The following DAB2IP variants were observed in gnomAD, a reference collection of about 807,000 sequenced individuals.
DAB2IP encodes disabled homolog 2-interacting protein.
In DAB2IP, 28 loss-of-function variants were observed where a neutral mutation model predicts 107.2. That is an observed-to-expected ratio of 0.26 (90% CI 0.19 to 0.36). DAB2IP has a LOEUF of 0.36. Among genes scored for constraint, DAB2IP ranks in the 10% least tolerant of loss-of-function variants. The pLI is 1.00. For missense variants in DAB2IP, 1,400 were observed against 1,644.7 expected (o/e 0.85, Z 2.57); for synonymous variants, 755 against 706.4 (o/e 1.07, Z -1.09).
At chr9:121,737,463 C>G in intron 3 of DAB2IP, 1 of 985,482 alleles carries the variant, frequency 1.0e-6, no homozygotes, top group Non-Finnish European at 1.2e-6. Flanking sequence ...AGGCTCACCT[C>G]TTAGATGCCG....
intron 14 of DAB2IP, among the ~76,000 whole-genome samples, chr9:121,777,539 G>C (rs1247071067): frequency 1.3e-5 from 2 of 152,204 alleles, no homozygotes; most frequent in East Asian, 3.8e-4. Flanking sequence ...ATATTTGCAT[G>C]TTCTGAATTC....
At chr9:121,694,239 A>G (rs1829304569) in intron 2 of DAB2IP, among the ~76,000 whole-genome samples, 1 of 152,142 alleles carries the variant, frequency 6.6e-6, no homozygotes, top group Non-Finnish European at 1.5e-5. Context: ...CCCAGGGGCC[A>G]GAACTCTCTT....
At chr9:121,773,213 A>C in exon 12 of DAB2IP, 1 of 1,569,392 alleles carries the variant, frequency 6.4e-7, no homozygotes. Context: ...GACAGATGTC[A>C]CTGACTGAAA....
chr9:121,613,368 A>AT (rs1224021399), intron 1 of DAB2IP, among the ~76,000 whole-genome samples: 1 of 152,152 alleles, frequency 6.6e-6, no homozygotes, highest in Non-Finnish European at 1.5e-5. Flanking sequence ...TAGTGCAGGG[A>AT]TTTTTAAAGT....
chr9:121,603,545 T>G (rs1452930090), intron 1 of DAB2IP, among the ~76,000 whole-genome samples: 1 of 152,166 alleles, frequency 6.6e-6, no homozygotes, highest in Non-Finnish European at 1.5e-5. Context: ...AGGACCTAAA[T>G]CCAGGTGCCT....
At chr9:121,672,980 C>T (rs1436775687) in intron 1 of DAB2IP, among the ~76,000 whole-genome samples, 2 of 152,338 alleles carry the variant, frequency 1.3e-5, no homozygotes, top group East Asian at 1.9e-4. Context: ...CCTAGGACCC[C>T]GAGGCTGAAT....
At chr9:121,687,305 C>T (rs970421964) in intron 2 of DAB2IP, among the ~76,000 whole-genome samples, 1 of 152,160 alleles carries the variant, frequency 6.6e-6, no homozygotes, top group Non-Finnish European at 1.5e-5. Context: ...GAAAGGGGAC[C>T]CTGGTCAGGG....
intron 3 of DAB2IP, among the ~76,000 whole-genome samples, chr9:121,745,941 C>T (rs1223003167): frequency 2.6e-5 from 4 of 152,180 alleles, no homozygotes; most frequent in Non-Finnish European, 5.9e-5. Context: ...GTAGATTTGT[C>T]CATCTCTTCT....
chr9:121,783,395 C>T, exon 16 of DAB2IP: 1 of 1,572,412 alleles, frequency 6.4e-7, no homozygotes, highest in Non-Finnish European at 8.6e-7. Flanking sequence ...ACCCAGGGCA[C>T]AGTGGTCCTG....
chr9:121,695,860 C>CGTTTTT (rs749728534), intron 2 of DAB2IP, among the ~76,000 whole-genome samples: 2 of 152,088 alleles, frequency 1.3e-5, no homozygotes, highest in East Asian at 3.8e-4. Context: ...ATCAGTTTTT[C>CGTTTTT]GTTTTTGTTT....
At chr9:121,725,455 C>T (rs942648510) in intron 3 of DAB2IP, among the ~76,000 whole-genome samples, 1 of 152,188 alleles carries the variant, frequency 6.6e-6, no homozygotes, top group Admixed American at 6.5e-5. Context: ...CCTCTTTGAC[C>T]CTGGGGTACC....
At chr9:121,672,635 C>T (rs1336061895) in intron 1 of DAB2IP, among the ~76,000 whole-genome samples, 1 of 152,182 alleles carries the variant, frequency 6.6e-6, no homozygotes, top group Non-Finnish European at 1.5e-5. Flanking sequence ...ATCAGCTGGT[C>T]CCATGGCCTA....
intron 1 of DAB2IP, among the ~76,000 whole-genome samples, chr9:121,596,058 T>C (rs1304240775): frequency 6.6e-6 from 1 of 152,108 alleles, no homozygotes; most frequent in African/African-American, 2.4e-5. Context: ...CGGTGGCTCA[T>C]GCCTGTAATC....
chr9:121,679,433 C>CACACACACACACAG (rs1828462680), intron 2 of DAB2IP, among the ~76,000 whole-genome samples: 1 of 151,822 alleles, frequency 6.6e-6, no homozygotes, highest in African/African-American at 2.4e-5. Flanking sequence ...CACACACACA[C>CACACACACACACAG]ACACACACAC....
chr9:121,785,388 G>A (rs1398371735), exon 16 of DAB2IP: 2 of 152,666 alleles, frequency 1.3e-5, no homozygotes, highest in East Asian at 3.8e-4. Context: ...TGGAGTTTGG[G>A]CTGGAGCTCC....
chr9:121,567,376 G>A lies in DAB2IP; in HGVS notation c.40+148G>A. On this transcript the variant is annotated intron_variant, in intron 1 of 16. Transcript: ENST00000259371. ...TCTTGGGACCCATGGGTGGGCATGG[G>A]TGCGTTGGGCTATGAGACTCAGGGC... 2 of 1,210,882 alleles carry A rather than the reference G, an allele frequency of 1.7e-6. 1 individual carries two copies. Among genetic ancestry groups the A allele is most frequent in the Non-Finnish European group, 2.3e-6 (2 of 854,038 alleles). 75.0% of individuals were successfully genotyped at this position (1,210,882 alleles called of 1,614,324 possible). A position where few individuals can be genotyped will look rare whatever the true frequency, so the allele number is the denominator to read the frequency against.
At chr9:121,630,693 C>T (rs992175387) in intron 1 of DAB2IP, among the ~76,000 whole-genome samples, 11 of 151,506 alleles carry the variant, frequency 7.3e-5, no homozygotes, top group African/African-American at 1.9e-4. Context: ...CTGCAACCTC[C>T]GCCTCCCGGG....
chr9:121,605,277 T>C (rs1433092364), intron 1 of DAB2IP, among the ~76,000 whole-genome samples: 1 of 152,066 alleles, frequency 6.6e-6, no homozygotes, highest in African/African-American at 2.4e-5. Flanking sequence ...CGCCTCAGGC[T>C]CCCAAAGTGT....
At chr9:121,783,576 A>G (rs752323897) in exon 16 of DAB2IP, 1 of 1,613,664 alleles carries the variant, frequency 6.2e-7, no homozygotes, top group Admixed American at 1.7e-5. Flanking sequence ...GCTTGCTGGA[A>G]CACAGGGGCC....
Sources: allele counts gnomAD v4.1 joint callset (sites outside exome capture counted in the v4.1 genomes callset), GRCh38; gene constraint gnomAD v4.1.1; transcripts MANE v1.5; gene names NCBI Gene and HGNC (gene_info 2026-07-23, HGNC 2026-07-21).